Variants in LCP2 observed in about 807,000 individuals in gnomAD.
LCP2 encodes 76 kDa tyrosine phosphoprotein.
A neutral mutation model predicts 74.5 loss-of-function variants in LCP2; 29 were observed. The ratio of observed to expected loss-of-function variants is 0.39; its 90% CI spans 0.29 to 0.53. The LOEUF (loss-of-function observed/expected upper bound fraction) is 0.53. Ranked by LOEUF, LCP2 falls within the 20% of genes least tolerant of loss-of-function variation. The probability of loss-of-function intolerance (pLI) is 0.72; values close to 1 mark genes in which losing one functional copy is unlikely to be tolerated. For synonymous variants in LCP2, 228 were observed against 229.5 expected (o/e 0.99, Z 0.06); for missense variants, 604 against 634.6 (o/e 0.95, Z 0.52).
intron 2 of LCP2, among the ~76,000 whole-genome samples, chr5:170,289,200 T>G (rs1361923092): frequency 6.6e-6 from 1 of 152,214 alleles, no homozygotes. Context: ...AGATGATGTA[T>G]GTAATGTGTT....
chr5:170,271,185 A>T (rs941817388), intron 6 of LCP2, among the ~76,000 whole-genome samples: 3 of 152,190 alleles, frequency 2.0e-5, no homozygotes, highest in African/African-American at 7.2e-5. Flanking sequence ...AGAGAGAAGA[A>T]AGGGGAAGGA....
At chr5:170,283,291 C>A (rs1440756989) in intron 3 of LCP2, among the ~76,000 whole-genome samples, 1 of 152,168 alleles carries the variant, frequency 6.6e-6, no homozygotes, top group Non-Finnish European at 1.5e-5. Context: ...GTTGATAATT[C>A]TCCCGTTCAC....
chr5:170,287,080 G>A (rs1332215502), intron 3 of LCP2, among the ~76,000 whole-genome samples: 9 of 152,200 alleles, frequency 5.9e-5, no homozygotes, highest in African/African-American at 2.2e-4. Context: ...CACATTAGCT[G>A]GAGCTGAGGA....
Position 170,274,289 on chromosome 5 carries a change from C to T in LCP2, c.324+12G>A, listed in dbSNP as rs755645218. On this transcript the variant is annotated intron_variant, in intron 6 of 20. Coordinates refer to ENST00000046794, the MANE Select transcript of LCP2 (RefSeq NM_005565.5). ...GCTGTAAAGGTGCAAGAACAGCCCA[C>T]ACCATACTCACAAAGGACGACCAGC... 1 of 1,612,826 alleles carries T rather than the reference C, an allele frequency of 6.2e-7. No individual in the cohort carries two copies. The highest frequency in any genetic ancestry group is 1.1e-5 in the South Asian group (1 of 90,660).
In LCP2 at chr5:170,293,365, T is replaced by C; in HGVS notation, c.86A>G (p.Tyr29Cys). 1.3e-6 allele frequency: 2 copies of C among 1,597,268 alleles called. No homozygotes were observed. Among genetic ancestry groups the C allele is most frequent in the Non-Finnish European group, 1.7e-6 (2 of 1,171,410 alleles). Residue 29 changes from tyrosine to cysteine, a missense_variant, in exon 2 of 21, where the codon TAT becomes TGT. Coordinates refer to ENST00000046794, the MANE Select transcript of LCP2 (RefSeq NM_005565.5). The stretch of plus-strand genomic sequence containing the variant: ...CTTCACTGCCTTCTCACAGTCCTTA[T>C]AGTTGAGCTGCAAAGAGAAGGGGAA... ...SLADYFKKLNYKDCEKAVKKY... is the reference protein window; with the variant it reads ...SLADYFKKLNCKDCEKAVKKY...
chr5:170,252,118 TTGAA>T, intron 19 of LCP2: 1 of 214,560 alleles, frequency 4.7e-6, no homozygotes, highest in South Asian at 9.3e-5. Flanking sequence ...TGTTGGAACT[TTGAA>T]AGAGAGTCTC....
At position 170,262,712 on chromosome 5, in the gene LCP2, T is replaced by C. The variant is rs893667986; in HGVS notation, c.849A>G (p.Gln283=). ...CCGTGGTCGGTGGTAAAGGAGGCTTTTGAATCTTGGGTAAATGCTCCCCGA... is the reference window on the plus strand; with the variant it reads ...CCGTGGTCGGTGGTAAAGGAGGCTTCTGAATCTTGGGTAAATGCTCCCCGA... The part of the protein sequence containing the change: ...RSLGEHLPKI[Q]KPPLPPTTER... The change falls in exon 13 of 21, where the codon CAA becomes CAG. Residue 283 remains glutamine (Q), a synonymous_variant. Transcript: ENST00000046794. 6.2e-7 allele frequency: 1 copy of C among 1,613,996 alleles called. No individual in the cohort carries two copies. Among genetic ancestry groups the C allele is most frequent in the Admixed American group, 1.7e-5 (1 of 60,020 alleles).
intron 20 of LCP2, among the ~76,000 whole-genome samples, chr5:170,249,996 A>C (rs1485852160): frequency 6.6e-6 from 1 of 152,124 alleles, no homozygotes; most frequent in Non-Finnish European, 1.5e-5. Flanking sequence ...GATCACAAGC[A>C]TGCATTTTTT....
At chr5:170,275,602 T>C (rs1214579898) in intron 4 of LCP2, 193 bp downstream of exon 4, 2 of 645,010 alleles carry the variant, frequency 3.1e-6, no homozygotes, top group East Asian at 5.4e-5. Flanking sequence ...TCCCCTGATG[T>C]CCCAGACCCA....
chr5:170,262,801 A>G (rs758538386), intron 12 of LCP2, 41 bp downstream of exon 12: 1 of 1,613,978 alleles, frequency 6.2e-7, no homozygotes, highest in Non-Finnish European at 8.5e-7. Flanking sequence ...AGAGTTCTAC[A>G]GAACGTCCCA....
At chr5:170,272,056 G>GC (rs1191135010) in intron 6 of LCP2, among the ~76,000 whole-genome samples, 1 of 152,088 alleles carries the variant, frequency 6.6e-6, no homozygotes, top group Non-Finnish European at 1.5e-5. Context: ...GAGCAGGTGG[G>GC]CAGAGCCCCA....
At chr5:170,263,147 C>T (rs902566344) in intron 10 of LCP2, among the ~76,000 whole-genome samples, 155 bp from the exon 11 acceptor site, 11 of 152,060 alleles carry the variant, frequency 7.2e-5, no homozygotes, top group Admixed American at 5.9e-4. Context: ...AGGAAGGGTC[C>T]GTTAGAGACC....
intron 14 of LCP2, 79 bp downstream of exon 14, chr5:170,261,028 G>A (rs1308301235): frequency 3.7e-6 from 4 of 1,085,128 alleles, no homozygotes; most frequent in South Asian, 2.6e-5. Context: ...AGGCCAAGGT[G>A]GATGGAGTCC....
chr5:170,260,840 A>G (rs1432152892), intron 14 of LCP2, among the ~76,000 whole-genome samples: 1 of 152,164 alleles, frequency 6.6e-6, no homozygotes, highest in Non-Finnish European at 1.5e-5. Context: ...CCCTGTAATT[A>G]CCGGCCCCTG....
intron 3 of LCP2, among the ~76,000 whole-genome samples, chr5:170,278,314 TG>T (rs200809214): frequency 1.3e-5 from 1 of 79,528 alleles, no homozygotes; most frequent in Admixed American, 1.3e-4. Context: ...ACATGCAGAG[TG>T]GGGGGCTGGG....
At chr5:170,289,417 C>T (rs1244585418) in intron 2 of LCP2, among the ~76,000 whole-genome samples, 1 of 152,114 alleles carries the variant, frequency 6.6e-6, no homozygotes, top group African/African-American at 2.4e-5. Flanking sequence ...GGCACAGAGG[C>T]TGGGGCTAGG....
intron 3 of LCP2, among the ~76,000 whole-genome samples, chr5:170,280,734 G>A (rs1394245018): frequency 1.3e-5 from 2 of 152,192 alleles, no homozygotes; most frequent in African/African-American, 4.8e-5. Flanking sequence ...CTGGCCAGGT[G>A]TGGTGGCTCA....
At position 170,274,330 on chromosome 5, in the gene LCP2, C is replaced by T. The variant is rs928003141; in HGVS notation, c.295G>A (p.Glu99Lys). Residue 99 changes from glutamate (E) to lysine (K), a missense_variant, in exon 6 of 21, where the codon GAA becomes AAA. Coordinates refer to ENST00000046794, the MANE Select transcript of LCP2 (RefSeq NM_005565.5). The part of the protein sequence containing the change: ...PRFPEETESH[E>K]EDNGGWSSFE... ...GACGACCAGCCCCCATTGTCCTCTT[C>T]GTGGCTTTCTGTGGAAGGAGATGAC... 7 of 1,613,188 alleles carry T rather than the reference C, an allele frequency of 4.3e-6. No homozygotes were observed. The South Asian group carries it at 4.4e-5, about 10-fold the overall frequency.
At chr5:170,249,680 G>A (rs1312082886) in intron 20 of LCP2, among the ~76,000 whole-genome samples, 2 of 152,112 alleles carry the variant, frequency 1.3e-5, no homozygotes, top group Non-Finnish European at 2.9e-5. Context: ...CACTCATAAA[G>A]GCTCAGCAAC....
Sources: gnomAD v4.1 joint callset for allele counts (sites outside exome capture counted in the v4.1 genomes callset) on GRCh38, gnomAD v4.1.1 for gene constraint, MANE v1.5 for transcripts, NCBI Gene and HGNC (gene_info 2026-07-23, HGNC 2026-07-21) for gene names.